GLB1: variants seen among roughly 807,000 people sequenced by gnomAD.
The protein encoded by GLB1 is beta-galactosidase.
A neutral mutation model predicts 74.0 loss-of-function variants in GLB1; 56 were observed. The ratio of observed to expected loss-of-function variants is 0.76; its 90% confidence interval spans 0.61 to 0.94. The LOEUF is 0.94. Ranked by LOEUF, GLB1 falls within the 40% of genes least tolerant of loss-of-function variation. The probability of loss-of-function intolerance (pLI) is 0.00; values close to 1 mark genes in which losing one functional copy is unlikely to be tolerated. For missense variants in GLB1, 787 were observed against 845.5 expected, an observed-to-expected ratio of 0.93 and a Z score of 0.86; for synonymous variants, 323 against 323.6, an observed-to-expected ratio of 1.00 and a Z score of 0.02.
Position 33,093,839 on chromosome 3 carries a change from G to A in GLB1, c.75+3172C>T, listed in dbSNP as rs747924645. ...TGATGATGTAAGCACCCAGGCAGGAGTAGGCCGCCAAGGAAAAGAGATAGG... is the reference window on the plus strand; with the variant it reads ...TGATGATGTAAGCACCCAGGCAGGAATAGGCCGCCAAGGAAAAGAGATAGG... On this transcript the variant is annotated intron_variant, in intron 1 of 15. Transcript: ENST00000307363. This position sits in a 1 kb window ranked among gnomAD's most constrained non-coding sequence, Gnocchi z 6.0. 18 of 1,613,512 alleles carry A rather than the reference G, an allele frequency of 1.1e-5. No homozygotes were observed. Among genetic ancestry groups the A allele is most frequent in the Non-Finnish European group, 1.5e-5 (18 of 1,179,762 alleles).
chr3:33,024,423 C>T (rs1697644165), intron 10 of GLB1, 98 bp from the exon 11 acceptor site: 8 of 1,300,188 alleles, frequency 6.2e-6, no homozygotes, highest in East Asian at 2.5e-5. Context: ...AGGTCAAAGA[C>T]TCAACAGTGC....
chr3:33,085,901 G>A (rs1281370460), intron 1 of GLB1, among the ~76,000 whole-genome samples: 7 of 141,862 alleles, frequency 4.9e-5, no homozygotes, highest in Admixed American at 2.2e-4. Flanking sequence ...GAGAGACTCT[G>A]TCTCTACCAA....
At chr3:33,076,967 T>C in intron 1 of GLB1, 2 of 944,574 alleles carry the variant, frequency 2.1e-6, no homozygotes, top group South Asian at 3.5e-5. Context: ...CTCATGCCTG[T>C]AATCCCAGCA....
At chr3:33,029,052 A>G (rs183948951) in intron 10 of GLB1, among the ~76,000 whole-genome samples, 31 of 152,284 alleles carry the variant, frequency 2.0e-4, no homozygotes, top group African/African-American at 7.0e-4. Flanking sequence ...TCATCTGTCT[A>G]TCCCATTTAC....
At chr3:33,000,419 A>G (rs1696508793) in intron 15 of GLB1, among the ~76,000 whole-genome samples, 1 of 152,200 alleles carries the variant, frequency 6.6e-6, no homozygotes, top group African/African-American at 2.4e-5. Context: ...TTAAAAATGA[A>G]CGTTCTTGTA....
intron 15 of GLB1, among the ~76,000 whole-genome samples, chr3:33,007,819 G>C (rs1008255996): frequency 6.6e-6 from 1 of 152,172 alleles, no homozygotes; most frequent in African/African-American, 2.4e-5. Flanking sequence ...AATAAGTAAA[G>C]AGCCCCAGCC....
intron 10 of GLB1, among the ~76,000 whole-genome samples, chr3:33,045,040 T>C (rs1339276480): frequency 1.3e-5 from 2 of 152,180 alleles, no homozygotes; most frequent in African/African-American, 4.8e-5. Flanking sequence ...TTTTCCTATG[T>C]ACATCAGCTA....
rs538819626 is a variant in GLB1, at chr3:33,090,915, G to A, written c.75+6096C>T. 9.1e-5 allele frequency: 90 copies of A among 985,186 alleles called. No homozygotes were observed. The African/African-American group carries it at 1.4e-3, about 15-fold the overall frequency. The allele number at this position is 985,186 out of a possible 1,614,324, so 61.0% of individuals were successfully genotyped here. A position where few individuals can be genotyped will look rare whatever the true frequency, so the allele number is the denominator to read the frequency against. The stretch of plus-strand genomic sequence containing the variant: ...CATTCAAGAGAAAGAAAAGAGGTAA[G>A]GATGCAAAATTAAAAAAAAAATAGG... On this transcript the variant is annotated intron_variant, in intron 1 of 15. Transcript: ENST00000307363.
At chr3:33,069,652 T>A (rs1450965226) in intron 2 of GLB1, among the ~76,000 whole-genome samples, 3 of 152,174 alleles carry the variant, frequency 2.0e-5, no homozygotes, top group African/African-American at 4.8e-5. Context: ...AAAGGTTGCT[T>A]TTTCATTCAT....
the GLB1 span, among the ~76,000 whole-genome samples, chr3:32,981,737 C>T: frequency 5.3e-5 from 8 of 151,380 alleles, no homozygotes; most frequent in Non-Finnish European, 7.4e-5. Context: ...TGCACCACTG[C>T]ACTCCAGCCT....
chr3:33,092,152 G>A (rs532024317), intron 1 of GLB1: 7 of 985,464 alleles, frequency 7.1e-6, no homozygotes, highest in African/African-American at 3.5e-5. Flanking sequence ...GGCGCCCACC[G>A]TTCTTCTCCC....
chr3:32,979,321 G>A, the GLB1 span, among the ~76,000 whole-genome samples: 1 of 152,014 alleles, frequency 6.6e-6, no homozygotes, highest in African/African-American at 2.4e-5. Flanking sequence ...TAGCTCTTAG[G>A]CTAAAACACT....
At chr3:33,008,101 T>TTAA (rs1696857799) in intron 15 of GLB1, among the ~76,000 whole-genome samples, 1 of 152,180 alleles carries the variant, frequency 6.6e-6, no homozygotes, top group Non-Finnish European at 1.5e-5. Flanking sequence ...TGTGACACCT[T>TTAA]TAAGACTTGG....
chr3:32,971,881 C>T, the GLB1 span, among the ~76,000 whole-genome samples: 46 of 152,116 alleles, frequency 3.0e-4, no homozygotes, highest in African/African-American at 9.4e-4. Flanking sequence ...ACGGGCATAT[C>T]GGCAACTGCT....
intron 15 of GLB1, among the ~76,000 whole-genome samples, chr3:33,011,318 A>T (rs1466132938): frequency 2.0e-5 from 3 of 152,070 alleles, no homozygotes; most frequent in African/African-American, 7.2e-5. Context: ...CAGCAGTATT[A>T]TAATAACTAT....
chr3:33,055,618 G>A (rs1037166387), intron 6 of GLB1, among the ~76,000 whole-genome samples: 1 of 151,684 alleles, frequency 6.6e-6, no homozygotes, highest in Non-Finnish European at 1.5e-5. Context: ...GCGCCACCAC[G>A]ATTTTTGTAC....
At chr3:33,047,259 GC>G (rs1698776690) in intron 9 of GLB1, among the ~76,000 whole-genome samples, 1 of 152,210 alleles carries the variant, frequency 6.6e-6, no homozygotes, top group South Asian at 2.1e-4. Context: ...CAGTCACTGT[GC>G]AAGGGGCGGG....
At chr3:32,966,210 C>T in the GLB1 span, among the ~76,000 whole-genome samples, 2 of 152,158 alleles carry the variant, frequency 1.3e-5, no homozygotes, top group African/African-American at 2.4e-5. Context: ...AGTGTCAGCC[C>T]GTTAAACCAG....
At chr3:33,068,087 A>T in intron 4 of GLB1, 143 bp downstream of exon 4, 1 of 1,210,962 alleles carries the variant, frequency 8.3e-7, no homozygotes, top group African/African-American at 1.5e-5. Flanking sequence ...AGGTTTTGCC[A>T]TTTTGGCCAG....
Sources: allele counts gnomAD v4.1 joint callset (sites outside exome capture counted in the v4.1 genomes callset), GRCh38; gene constraint gnomAD v4.1.1; non-coding constraint Gnocchi (gnomAD v3.1); transcripts MANE v1.5; gene names NCBI Gene and HGNC (gene_info 2026-07-23, HGNC 2026-07-21).